RPS6KA5: variants seen among roughly 807,000 people sequenced by gnomAD.
RPS6KA5 encodes the protein ribosomal protein S6 kinase A5.
Under a neutral mutation model 85.5 loss-of-function variants are expected in RPS6KA5, and 27 were observed. That is an observed-to-expected ratio of 0.32 (90% CI 0.23 to 0.44). The LOEUF (loss-of-function observed/expected upper bound fraction) is 0.44. RPS6KA5 is among the 20% of genes least tolerant of loss of function. The pLI is 1.00. For missense variants in RPS6KA5, 811 were observed against 980.9 expected (o/e 0.83, Z 2.31); for synonymous variants, 334 against 348.2 (o/e 0.96, Z 0.46).
In RPS6KA5 at chr14:90,946,496, C is replaced by T. The variant is rs1471687430; in HGVS notation, c.510+939G>A. ...TAATTTATTCTCACGGCCTCACCCACCTGTTACCTCCACCTTGCTGCCTGC... is the reference window on the plus strand; with the variant it reads ...TAATTTATTCTCACGGCCTCACCCATCTGTTACCTCCACCTTGCTGCCTGC... On this transcript the variant is annotated intron_variant, in intron 4 of 16. Transcript: ENST00000614987. Among the ~76,000 whole-genome samples, 7 of 152,270 alleles carry T rather than the reference C, an allele frequency of 4.6e-5. No homozygotes were observed. In the South Asian group the frequency reaches 6.2e-4, roughly 14 times the overall value.
At chr14:90,918,526 G>T (rs2140284978) in intron 7 of RPS6KA5, among the ~76,000 whole-genome samples, 1 of 152,250 alleles carries the variant, frequency 6.6e-6, no homozygotes, top group African/African-American at 2.4e-5. Context: ...TAATTTTGAT[G>T]AAGTCCAATT....
chr14:90,992,593 G>C (rs759325803), intron 2 of RPS6KA5, among the ~76,000 whole-genome samples: 1 of 152,166 alleles, frequency 6.6e-6, no homozygotes, highest in African/African-American at 2.4e-5. Flanking sequence ...TACTGTCCTA[G>C]TGTGTTTTTT....
chr14:90,890,587 A>T lies in RPS6KA5; in HGVS notation c.1736T>A (p.Leu579Gln), dbSNP rs2034495618. Residue 579 changes from leucine to glutamine, a missense_variant, in exon 14 of 17, where the codon CTG becomes CAG. Transcript: ENST00000614987. ...ARLKPPDNQP[L>Q]KTPCFTLHYA... ...ATGAAGGGTGAAGCATGGAGTCTTC[A>T]GGGGCTGATTATCCGGTGGCTTTAG... 1.9e-6 allele frequency: 3 copies of T among 1,614,236 alleles called. No individual in the cohort carries two copies. The highest frequency in any genetic ancestry group is 2.5e-6 in the Non-Finnish European group (3 of 1,180,024).
At position 90,936,864 on chromosome 14, in the gene RPS6KA5, G is replaced by C. The variant is rs113790750; in HGVS notation, c.618+6214C>G. On this transcript the variant is annotated intron_variant, in intron 5 of 16. Transcript: ENST00000614987. ...TTATAATATAAAATTGTGATATACT[G>C]ACAGAAAGGCAGATTTTGGTGGAAG... Among the ~76,000 whole-genome samples the C allele has an allele frequency of 1.2e-3, 188 of 152,250 alleles. 1 individual carries two copies. The highest frequency in any genetic ancestry group is 4.2e-3 in the African/African-American group (175 of 41,542).
chr14:90,889,246 A>G (rs2034412786), intron 14 of RPS6KA5, among the ~76,000 whole-genome samples: 2 of 139,322 alleles, frequency 1.4e-5, no homozygotes, highest in South Asian at 4.8e-4. Context: ...GTGAGCCAAG[A>G]TTGTGCCACT....
In RPS6KA5 at chr14:90,851,440, T is replaced by G. The variant is rs1946238662; in HGVS notation, c.*20634A>C. 6.6e-6 allele frequency: 1 copy of G among 152,238 alleles called. No individual in the cohort carries two copies. The highest frequency in any genetic ancestry group is 1.5e-5 in the Non-Finnish European group (1 of 68,042). The allele number at this position is 152,238 out of a possible 1,614,324, so 9.4% of individuals were successfully genotyped here. A position where few individuals can be genotyped will look rare whatever the true frequency, so the allele number is the denominator to read the frequency against. On this transcript the variant is annotated 3_prime_UTR_variant, in exon 17 of 17. Coordinates refer to ENST00000614987, the MANE Select transcript of RPS6KA5 (RefSeq NM_004755.4). ...GAATCAGTGTACCTTATGGATTTTT[T>G]TAATCCTCTTTAATCGATCCCTCAG...
Position 90,891,390 on chromosome 14 carries a change from T to C in RPS6KA5, c.1645-712A>G, listed in dbSNP as rs559220307. ...AAACATTATTATTTTGAATCATTCA[T>C]CCACCAAGGCTTCTTGATCACTAAG... On this transcript the variant is annotated intron_variant, in intron 13 of 16. Transcript: ENST00000614987. 1.0e-3 allele frequency among the ~76,000 whole-genome samples: 159 copies of C among 152,104 alleles called. 2 individuals carry two copies. Among genetic ancestry groups the C allele is most frequent in the Admixed American group, 4.2e-3 (64 of 15,248 alleles).
At chr14:90,930,730 A>T (rs895456509) in intron 5 of RPS6KA5, among the ~76,000 whole-genome samples, 3 of 152,218 alleles carry the variant, frequency 2.0e-5, no homozygotes, top group Middle Eastern at 3.2e-3. Flanking sequence ...AAGGACTCTA[A>T]TAGACATTTC....
At chr14:90,953,995 T>C (rs189033415) in intron 3 of RPS6KA5, among the ~76,000 whole-genome samples, 26 of 152,342 alleles carry the variant, frequency 1.7e-4, no homozygotes, top group African/African-American at 6.3e-4. Context: ...CTTTGTGACC[T>C]ACTCCCTTTT....
chr14:91,056,867 CTTT>C (rs34807092), intron 1 of RPS6KA5, among the ~76,000 whole-genome samples: 190 of 38,858 alleles, frequency 4.9e-3, no homozygotes, highest in African/African-American at 7.4e-3. Context: ...GCAGTATTAT[CTTT>C]TTTTTTTTTT....
intron 14 of RPS6KA5, among the ~76,000 whole-genome samples, chr14:90,879,475 C>T (rs999789741): frequency 2.6e-5 from 4 of 152,184 alleles, no homozygotes. Flanking sequence ...GGTGCTGTCT[C>T]TGAGAGCTGT....
intron 3 of RPS6KA5, among the ~76,000 whole-genome samples, chr14:90,957,993 T>C (rs2038612313): frequency 6.6e-6 from 1 of 151,530 alleles, no homozygotes; most frequent in Non-Finnish European, 1.5e-5. Context: ...AAAATAAAAA[T>C]AAAAAATAAA....
intron 4 of RPS6KA5, 97 bp from the exon 5 acceptor site, chr14:90,943,282 T>A (rs1244924674): frequency 7.0e-6 from 5 of 711,014 alleles, no homozygotes; most frequent in African/African-American, 5.5e-5. Context: ...TTTTTTTTTT[T>A]AAGGCATTTC....
intron 3 of RPS6KA5, among the ~76,000 whole-genome samples, chr14:90,967,021 T>G (rs2140439855): frequency 6.6e-6 from 1 of 152,306 alleles, no homozygotes; most frequent in South Asian, 2.1e-4. Context: ...ATAGTCCATC[T>G]TTATGACAAT....
intron 4 of RPS6KA5, among the ~76,000 whole-genome samples, chr14:90,944,148 T>C (rs74456253): frequency 0.034 from 5,206 of 152,316 alleles, 240 homozygotes; most frequent in South Asian, 0.12. Flanking sequence ...ATATAACAAA[T>C]AATCTATCCA....
In RPS6KA5 at chr14:91,057,738, A is replaced by G. The variant is rs552852066; in HGVS notation, c.103+2594T>C. 1.2e-4 allele frequency among the ~76,000 whole-genome samples: 19 copies of G among 152,352 alleles called. No individual in the cohort carries two copies. In the South Asian group the frequency reaches 3.5e-3, roughly 28 times the overall value. On this transcript the variant is annotated intron_variant, in intron 1 of 16. Transcript: ENST00000614987. ...ACTTCAAGATAAGATACTATTATGG[A>G]ATGATTTTTATATATACATTCAACC...
intron 3 of RPS6KA5, among the ~76,000 whole-genome samples, chr14:90,975,188 TA>T (rs369751132): frequency 0.019 from 2,830 of 147,324 alleles, 88 homozygotes; most frequent in African/African-American, 0.064. Context: ...AACACATATT[TA>T]AAAAAAAAAA....
At chr14:90,888,374 A>C (rs985807322) in intron 14 of RPS6KA5, among the ~76,000 whole-genome samples, 1 of 152,226 alleles carries the variant, frequency 6.6e-6, no homozygotes, top group Non-Finnish European at 1.5e-5. Context: ...ATTACTAAAA[A>C]TGAAAGTCTC....
chr14:90,976,967 A>G (rs1395383870), intron 3 of RPS6KA5, among the ~76,000 whole-genome samples: 1 of 152,204 alleles, frequency 6.6e-6, no homozygotes, highest in Non-Finnish European at 1.5e-5. Flanking sequence ...ATCAAAGAAT[A>G]CAGGCAGCAA....
Sources: allele counts gnomAD v4.1 joint callset (sites outside exome capture counted in the v4.1 genomes callset), GRCh38; gene constraint gnomAD v4.1.1; transcripts MANE v1.5; gene names NCBI Gene and HGNC (gene_info 2026-07-23, HGNC 2026-07-21).